Variants in CXADR observed in about 807,000 individuals in gnomAD.
CXADR encodes CXADR cell adhesion molecule.
CXADR carries 20 observed loss-of-function variants against 40.3 expected under a neutral mutation model. The ratio of observed to expected loss-of-function variants is 0.50; its 90% CI spans 0.35 to 0.72. CXADR has a LOEUF of 0.72. CXADR is among the 30% of genes least tolerant of loss of function. The pLI, the probability that CXADR is intolerant of heterozygous loss-of-function variation, is 0.01. For synonymous variants in CXADR, 150 were observed against 161.3 expected (o/e 0.93, Z 0.53); for missense variants, 332 against 449.1 (o/e 0.74, Z 2.36).
At chr21:17,571,448 T>C (rs1569146044), downstream of CXADR, among the ~76,000 whole-genome samples, 1 of 152,228 alleles carries the variant, frequency 6.6e-6, no homozygotes, top group Non-Finnish European at 1.5e-5. Flanking sequence ...TTAGACCATA[T>C]TTTAATCTTA....
Position 17,555,854 on chromosome 21 carries a change from G to A in CXADR, c.416-3122G>A, listed in dbSNP as rs533545454. On this transcript the variant is annotated intron_variant, in intron 3 of 6. Coordinates refer to ENST00000284878, the MANE Select transcript of CXADR (RefSeq NM_001338.5). ...TAGCATCTATTGATAGATTTTGCCT[G>A]GAGTCAGGGTATTTTTGAACCAATA... is the stretch of plus-strand genomic sequence containing the variant. 7.2e-5 allele frequency among the ~76,000 whole-genome samples: 11 copies of A among 152,220 alleles called. No individual in the cohort carries two copies. In the East Asian group the frequency reaches 2.1e-3, roughly 29 times the overall value.
At chr21:17,634,902 C>T in the CXADR span, among the ~76,000 whole-genome samples, 1 of 152,168 alleles carries the variant, frequency 6.6e-6, no homozygotes. Context: ...ACTACAGGTG[C>T]ATGCCACAAT....
chr21:17,573,081 G>A (rs79729189), downstream of CXADR, among the ~76,000 whole-genome samples: 1,363 of 152,266 alleles, frequency 9.0e-3, 9 homozygotes, highest in Middle Eastern at 0.014. Flanking sequence ...GGTTCCTTCT[G>A]AGGGCTGTGA....
the CXADR span, among the ~76,000 whole-genome samples, chr21:17,611,332 A>C: frequency 6.6e-6 from 1 of 152,206 alleles, no homozygotes; most frequent in Non-Finnish European, 1.5e-5. Flanking sequence ...CTCCTCATTC[A>C]TTACATTTGC....
intron 1 of CXADR, among the ~76,000 whole-genome samples, chr21:17,528,212 T>C (rs2060623346): frequency 6.6e-6 from 1 of 151,442 alleles, no homozygotes; most frequent in African/African-American, 2.4e-5. Context: ...TAGCTGGGAC[T>C]ACAGGTGCCT....
At chr21:17,518,583 C>T (rs966696926) in intron 1 of CXADR, 11 of 1,263,852 alleles carry the variant, frequency 8.7e-6, no homozygotes, top group South Asian at 1.2e-5. Context: ...CATCATCATC[C>T]TCCTCATCAG....
At chr21:17,575,151 G>A (rs958619115) in intron 7 of CXADR, among the ~76,000 whole-genome samples, 1 of 142,482 alleles carries the variant, frequency 7.0e-6, no homozygotes, top group Admixed American at 7.2e-5. Flanking sequence ...TGCTGCTCCT[G>A]TTGGGAAGGC....
chr21:17,584,260 T>A (rs192207471), intron 7 of CXADR, among the ~76,000 whole-genome samples: 1 of 152,372 alleles, frequency 6.6e-6, no homozygotes, highest in Admixed American at 6.5e-5. Context: ...GTAAAGCACC[T>A]AGTCCAGCGT....
rs2061250926 is a variant in CXADR, at chr21:17,568,994, A to T, written c.*3302A>T. 1 of 983,820 alleles carries T rather than the reference A, an allele frequency of 1.0e-6. No homozygotes were observed. Among genetic ancestry groups the T allele is most frequent in the Non-Finnish European group, 1.2e-6 (1 of 828,474 alleles). The allele number at this position is 983,820 out of a possible 1,614,324, so 60.9% of individuals were successfully genotyped here. A position where few individuals can be genotyped will look rare whatever the true frequency, so the allele number is the denominator to read the frequency against. On this transcript the variant is annotated 3_prime_UTR_variant, in exon 7 of 7. Coordinates refer to ENST00000284878, the MANE Select transcript of CXADR (RefSeq NM_001338.5). ...GAGATACCTGATTTTTATTAAAAAG[A>T]TACTTTTTCAAATTTAAGAGTTAAT...
intron 1 of CXADR, among the ~76,000 whole-genome samples, chr21:17,517,406 C>G (rs2060475135): frequency 1.3e-5 from 2 of 152,128 alleles, no homozygotes; most frequent in Admixed American, 1.3e-4. Context: ...GAGGTAGGTT[C>G]AAGGCCAAGA....
the CXADR span, chr21:17,611,632 G>A: frequency 6.6e-6 from 1 of 152,196 alleles, no homozygotes; most frequent in African/African-American, 2.4e-5. Context: ...CAGGCGTCTT[G>A]AGTAAGTAGG....
chr21:17,581,933 GTTTGTTTGTTTGT>G (rs1226250131), intron 7 of CXADR, among the ~76,000 whole-genome samples: 64 of 394 alleles, frequency 0.16, 1 homozygote, highest in Non-Finnish European at 0.23. Context: ...TTGTTTGTTT[GTTTGTTTGTTTGT>G]TTTGTTTGTT....
chr21:17,633,646 G>T, the CXADR span, among the ~76,000 whole-genome samples: 1 of 152,166 alleles, frequency 6.6e-6, no homozygotes, highest in Non-Finnish European at 1.5e-5. Flanking sequence ...CTTTATCTGC[G>T]TAATTAGACA....
intron 7 of CXADR, among the ~76,000 whole-genome samples, chr21:17,587,328 T>G (rs1405935926): frequency 2.0e-5 from 3 of 152,256 alleles, no homozygotes; most frequent in South Asian, 4.2e-4. Flanking sequence ...ACTTCCACAA[T>G]GGTTGAACTA....
the CXADR span, among the ~76,000 whole-genome samples, chr21:17,618,555 G>T: frequency 6.6e-6 from 1 of 151,326 alleles, no homozygotes; most frequent in East Asian, 1.9e-4. Context: ...TTTTGGAGGC[G>T]GGGATGGAAT....
chr21:17,601,405 T>G, the CXADR span, among the ~76,000 whole-genome samples: 1 of 152,052 alleles, frequency 6.6e-6, no homozygotes, highest in Non-Finnish European at 1.5e-5. Context: ...ACATCTATAA[T>G]TCTAGTACTT....
At chr21:17,592,330 A>C (rs555688978) in intron 7 of CXADR, among the ~76,000 whole-genome samples, 16 of 152,080 alleles carry the variant, frequency 1.1e-4, no homozygotes, top group African/African-American at 3.9e-4. Context: ...TCGTATTTGC[A>C]TATAACCTAT....
At chr21:17,565,074 A>G (rs2061184942) in intron 6 of CXADR, among the ~76,000 whole-genome samples, 1 of 152,190 alleles carries the variant, frequency 6.6e-6, no homozygotes, top group Non-Finnish European at 1.5e-5. Context: ...AAAGTGTTAC[A>G]TGGCTTTAAC....
At chr21:17,576,253 A>T (rs2061321812) in intron 7 of CXADR, among the ~76,000 whole-genome samples, 1 of 152,122 alleles carries the variant, frequency 6.6e-6, no homozygotes, top group Admixed American at 6.5e-5. Flanking sequence ...TTTGGTCAGG[A>T]TAACACCATA....
Sources: gnomAD v4.1 joint callset for allele counts (sites outside exome capture counted in the v4.1 genomes callset) on GRCh38, gnomAD v4.1.1 for gene constraint, MANE v1.5 for transcripts, NCBI Gene and HGNC (gene_info 2026-07-23, HGNC 2026-07-21) for gene names.